Variants in PPM1D observed in about 807,000 individuals in gnomAD.
PPM1D encodes the protein protein phosphatase, Mg2+/Mn2+ dependent 1D.
Under a neutral mutation model 58.3 loss-of-function variants are expected in PPM1D, and 52 were observed. That is an observed-to-expected ratio of 0.89 (90% CI 0.71 to 1.12). The LOEUF (loss-of-function observed/expected upper bound fraction) is 1.12, where lower values mean the gene tolerates loss of function less well. Among genes scored for constraint, PPM1D ranks in the 50% most tolerant of loss-of-function variants. The pLI is 0.00. For missense variants in PPM1D, 564 were observed against 777.2 expected, an observed-to-expected ratio of 0.73 and a Z score of 3.26; for synonymous variants, 278 against 285.1, an observed-to-expected ratio of 0.98 and a Z score of 0.25.
intron 1 of PPM1D, among the ~76,000 whole-genome samples, chr17:60,607,040 A>G (rs1419919023): frequency 6.6e-6 from 1 of 150,996 alleles, no homozygotes; most frequent in Non-Finnish European, 1.5e-5. Flanking sequence ...CATGTTGCCC[A>G]GGGTGGTTCC....
intron 4 of PPM1D, among the ~76,000 whole-genome samples, chr17:60,654,912 A>G (rs931322255): frequency 6.6e-6 from 1 of 151,960 alleles, no homozygotes; most frequent in East Asian, 1.9e-4. Flanking sequence ...AAAAAAATAC[A>G]TGTAGGCTTA....
At chr17:60,612,328 G>A (rs2143633223) in intron 1 of PPM1D, among the ~76,000 whole-genome samples, 1 of 152,282 alleles carries the variant, frequency 6.6e-6, no homozygotes, top group Admixed American at 6.5e-5. Flanking sequence ...GATATGTTCT[G>A]AGAAATGTGT....
chr17:60,601,888 T>A (rs1344345342), intron 1 of PPM1D, among the ~76,000 whole-genome samples: 1 of 152,234 alleles, frequency 6.6e-6, no homozygotes. Context: ...TGCATCTTTG[T>A]TAGAGCAAAG....
In PPM1D at chr17:60,648,046, A is replaced by G. The variant is rs1462562262; in HGVS notation, c.981A>G (p.Ser327=). ...WNMIPPQDAI[S]MCQDQEEKKY... is the part of the protein sequence containing the mutation. The stretch of plus-strand genomic sequence containing the variant: ...TGATTCCACCACAAGATGCCATCTC[A>G]ATGTGCCAGGACCAAGAGGAGAAAA... The change falls in exon 4 of 6, where the codon TCA becomes TCG. Residue 327 remains serine (S), a synonymous_variant. Coordinates refer to ENST00000305921, the MANE Select transcript of PPM1D (RefSeq NM_003620.4). 6.2e-7 allele frequency: 1 copy of G among 1,613,640 alleles called. No homozygotes were observed. The highest frequency in any genetic ancestry group is 8.5e-7 in the Non-Finnish European group (1 of 1,179,942).
chr17:60,630,644 G>T (rs1192526841), intron 2 of PPM1D, among the ~76,000 whole-genome samples: 1 of 152,078 alleles, frequency 6.6e-6, no homozygotes, highest in Non-Finnish European at 1.5e-5. Flanking sequence ...CATTGCTTTG[G>T]TTTTTTGTTA....
intron 2 of PPM1D, 32 bp downstream of exon 2, chr17:60,623,781 T>C (rs2030750917): frequency 6.3e-7 from 1 of 1,599,058 alleles, no homozygotes; most frequent in Admixed American, 1.7e-5. Flanking sequence ...TTTCCTCTTT[T>C]GGTTCTATTT....
chr17:60,628,984 G>T (rs2030867625), intron 2 of PPM1D, among the ~76,000 whole-genome samples: 1 of 152,160 alleles, frequency 6.6e-6, no homozygotes, highest in Non-Finnish European at 1.5e-5. Flanking sequence ...ATGGCTACTA[G>T]TAGCCACTTG....
In PPM1D at chr17:60,663,608, A is replaced by T; in HGVS notation, c.*56A>T. ...CTTAGGATATAAGAGGGCTTTTTAA[A>T]TTTGGTGCCGATGTTGAACTTTTTT... On this transcript the variant is annotated 3_prime_UTR_variant, in exon 6 of 6. Coordinates refer to ENST00000305921, the MANE Select transcript of PPM1D (RefSeq NM_003620.4). 2 of 1,530,150 alleles carry T rather than the reference A, an allele frequency of 1.3e-6. No homozygotes were observed. Among genetic ancestry groups the T allele is most frequent in the Non-Finnish European group, 1.8e-6 (2 of 1,141,238 alleles). The allele number at this position is 1,530,150 out of a possible 1,614,324, so 94.8% of individuals were successfully genotyped here.
chr17:60,661,508 G>C (rs1340467968), intron 5 of PPM1D, among the ~76,000 whole-genome samples: 2 of 152,088 alleles, frequency 1.3e-5, no homozygotes, highest in Non-Finnish European at 2.9e-5. Context: ...CTTATCTGGA[G>C]GTGAGCGGCT....
At chr17:60,629,812 C>T (rs376204495) in intron 2 of PPM1D, among the ~76,000 whole-genome samples, 16 of 152,102 alleles carry the variant, frequency 1.1e-4, no homozygotes, top group East Asian at 9.7e-4. Context: ...CTGAGGCGGG[C>T]GGATCACCGG....
At chr17:60,661,024 A>C (rs1057424846) in intron 5 of PPM1D, among the ~76,000 whole-genome samples, 2 of 151,210 alleles carry the variant, frequency 1.3e-5, no homozygotes, top group Non-Finnish European at 2.9e-5. Flanking sequence ...GACCAGCCTG[A>C]CCAACATGGA....
chr17:60,659,956 A>G (rs1450553076), intron 5 of PPM1D, among the ~76,000 whole-genome samples: 1 of 152,096 alleles, frequency 6.6e-6, no homozygotes, highest in Non-Finnish European at 1.5e-5. Context: ...TCACGCCTGT[A>G]ATCCCAGCAC....
intron 5 of PPM1D, among the ~76,000 whole-genome samples, chr17:60,661,670 C>T (rs1279315495): frequency 6.6e-6 from 1 of 152,098 alleles, no homozygotes; most frequent in African/African-American, 2.4e-5. Flanking sequence ...TTTCCCTAAC[C>T]ATTCTCAGAA....
At chr17:60,604,046 T>G (rs957892455) in intron 1 of PPM1D, among the ~76,000 whole-genome samples, 8 of 152,252 alleles carry the variant, frequency 5.3e-5, no homozygotes, top group African/African-American at 1.9e-4. Context: ...TTAAGATCCA[T>G]TGGTCTATTT....
At chr17:60,638,458 T>G (rs1035762749) in intron 3 of PPM1D, among the ~76,000 whole-genome samples, 1 of 152,114 alleles carries the variant, frequency 6.6e-6, no homozygotes, top group African/African-American at 2.4e-5. Context: ...AACTTCCGCC[T>G]CCCCGGCTCA....
At chr17:60,660,806 CATTTT>C (rs1479949967) in intron 5 of PPM1D, among the ~76,000 whole-genome samples, 2 of 152,038 alleles carry the variant, frequency 1.3e-5, no homozygotes, top group Non-Finnish European at 2.9e-5. Context: ...ATTTCCCTTT[CATTTT>C]ATTTTTTGAA....
rs1175902100 is a variant in PPM1D at position 60,623,630 on chromosome 17, G to C, written c.582G>C (p.Gly194=). 9 of 1,614,148 alleles carry C rather than the reference G, an allele frequency of 5.6e-6. No homozygotes were observed. Among genetic ancestry groups the C allele is most frequent in the East Asian group, 2.2e-5 (1 of 44,876 alleles). ...ATGTAGCTCACGTAGGTGACTCAGG[G>C]GTGGTTCTTGGAATTCAGGATGACC... ...KMYVAHVGDS[G]VVLGIQDDPK... The change falls in exon 2 of 6, where the codon GGG becomes GGC. Residue 194 remains glycine (G), a synonymous_variant. Transcript: ENST00000305921.
chr17:60,637,182 G>A lies in PPM1D; in HGVS notation c.826+3205G>A, dbSNP rs533662152. 2.6e-4 allele frequency among the ~76,000 whole-genome samples: 39 copies of A among 151,714 alleles called. No homozygotes were observed. In the South Asian group the frequency reaches 7.9e-3, roughly 31 times the overall value. On this transcript the variant is annotated intron_variant, in intron 3 of 5. Coordinates refer to ENST00000305921, the MANE Select transcript of PPM1D (RefSeq NM_003620.4). ...CTGTGAGTGTCTGGGGCCACAGAAT[G>A]TAGGCAGAAGTAACAAATGTAAGGG...
rs2031588830 is a variant in PPM1D at position 60,664,784 on chromosome 17, T to A, written c.*1232T>A. 1 of 152,034 alleles carries A rather than the reference T, an allele frequency of 6.6e-6. No homozygotes were observed. Among genetic ancestry groups the A allele is most frequent in the Non-Finnish European group, 1.5e-5 (1 of 68,026 alleles). 9.4% of individuals were successfully genotyped at this position (152,034 alleles called of 1,614,324 possible). A position where few individuals can be genotyped will look rare whatever the true frequency, so the allele number is the denominator to read the frequency against. ...TGCCATGATCATGCTTTACAGTGAG[T>A]GTATTTTATTTATTTATTATTTTGT... is the stretch of plus-strand genomic sequence containing the variant. On this transcript the variant is annotated 3_prime_UTR_variant, in exon 6 of 6. Transcript: ENST00000305921.
Sources: allele counts gnomAD v4.1 joint callset (sites outside exome capture counted in the v4.1 genomes callset), GRCh38; gene constraint gnomAD v4.1.1; transcripts MANE v1.5; gene names NCBI Gene and HGNC (gene_info 2026-07-23, HGNC 2026-07-21).